Variants in SYCP2 observed in about 807,000 individuals in gnomAD.
SYCP2 encodes the protein synaptonemal complex lateral element protein.
A neutral mutation model predicts 211.3 loss-of-function variants in SYCP2; 55 were observed. The ratio of observed to expected loss-of-function variants is 0.26; its 90% CI spans 0.21 to 0.33. The LOEUF is 0.33. Ranked by LOEUF, SYCP2 falls within the 10% of genes least tolerant of loss-of-function variation. The probability of loss-of-function intolerance (pLI) is 1.00; values close to 1 mark genes in which losing one functional copy is unlikely to be tolerated. For synonymous variants in SYCP2, 570 were observed against 555.2 expected, an observed-to-expected ratio of 1.03 and a Z score of -0.37; for missense variants, 1,731 against 1,752.0, an observed-to-expected ratio of 0.99 and a Z score of 0.21.
In SYCP2 at chr20:59,876,559, T is replaced by TCCAGA. The variant is rs1404934589; in HGVS notation, c.3150+825_3150+826insTCTGG. Among the ~76,000 whole-genome samples the TCCAGA allele has an allele frequency of 1.0e-3, 159 of 151,866 alleles. 1 individual carries two copies. Among genetic ancestry groups the TCCAGA allele is most frequent in the South Asian group, 6.2e-4 (3 of 4,820 alleles). On this transcript the variant is annotated intron_variant, in intron 33 of 44. Transcript: ENST00000357552. ...CAGAAACCTATCTTCAGTGCCAGAC[T>TCCAGA]CTCTGGTTTCAAATCCTAGACCTAC...
Position 59,877,554 on chromosome 20 carries a change from G to A in SYCP2, c.2981C>T (p.Thr994Ile). 6.3e-7 allele frequency: 1 copy of A among 1,580,344 alleles called. No individual in the cohort carries two copies. Among genetic ancestry groups the A allele is most frequent in the Non-Finnish European group, 8.5e-7 (1 of 1,171,758 alleles). ...CTTTTTTGTGATATTTTTACTGGGTGTCTTTAGGAGAAAAATTCCTGAATA... is the reference window on the plus strand; with the variant it reads ...CTTTTTTGTGATATTTTTACTGGGTATCTTTAGGAGAAAAATTCCTGAATA... The part of the protein sequence containing the change: ...LEKGQPSSKM[T>I]PSKNITKKMD... The change falls in exon 33 of 45, where the codon ACA becomes ATA. Residue 994 changes from threonine to isoleucine, a missense_variant and splice_region_variant. By Grantham distance (89) the Thr-to-Ile change is moderately conservative. Transcript: ENST00000357552.
Position 59,865,802 on chromosome 20 carries a change from C to T in SYCP2, c.4379+5G>A. 7.2e-7 allele frequency: 1 copy of T among 1,396,978 alleles called. No individual in the cohort carries two copies. Among genetic ancestry groups the T allele is most frequent in the South Asian group, 1.8e-5 (1 of 56,646 alleles). The allele number at this position is 1,396,978 out of a possible 1,614,324, so 86.5% of individuals were successfully genotyped here. A position where few individuals can be genotyped will look rare whatever the true frequency, so the allele number is the denominator to read the frequency against. On this transcript the variant is annotated splice_donor_5th_base_variant and intron_variant, in intron 42 of 44. Transcript: ENST00000357552. ...GATTATAGCCATTAAGAATGTCATA[C>T]TAACCTCTGTTGTTCGCTTTTTTGA... is the stretch of plus-strand genomic sequence containing the variant.
chr20:59,888,820 A>G (rs1331509161), intron 24 of SYCP2, among the ~76,000 whole-genome samples: 2 of 152,086 alleles, frequency 1.3e-5, no homozygotes, highest in Non-Finnish European at 2.9e-5. Flanking sequence ...TTAATATACA[A>G]AAGTCAACCA....
At position 59,865,867 on chromosome 20, in the gene SYCP2, TA is replaced by T; in HGVS notation, c.4321-3del. 1.5e-6 allele frequency: 2 copies of T among 1,316,666 alleles called. No individual in the cohort carries two copies. The highest frequency in any genetic ancestry group is 2.0e-6 in the Non-Finnish European group (2 of 978,214). The allele number at this position is 1,316,666 out of a possible 1,614,324, so 81.6% of individuals were successfully genotyped here. Reference sequence around the variant, plus strand: ...CTGAAATATCTTTTCCCAAAAGTCCTAAATTAATTAATAAAATTTTATTTAG... The same window carrying T: ...CTGAAATATCTTTTCCCAAAAGTCCTAATTAATTAATAAAATTTTATTTAG... On this transcript the variant is annotated splice_region_variant and splice_polypyrimidine_tract_variant and intron_variant, in intron 41 of 44. Coordinates refer to ENST00000357552, the MANE Select transcript of SYCP2 (RefSeq NM_014258.4).
chr20:59,926,745 A>G (rs866398222), intron 2 of SYCP2, among the ~76,000 whole-genome samples: 3 of 152,260 alleles, frequency 2.0e-5, no homozygotes, highest in Middle Eastern at 6.8e-3. Context: ...GAAGAAATAA[A>G]AGTTGAGGTT....
At chr20:59,932,493 T>G (rs1383885249) in intron 1 of SYCP2, among the ~76,000 whole-genome samples, 1 of 152,142 alleles carries the variant, frequency 6.6e-6, no homozygotes, top group East Asian at 1.9e-4. Flanking sequence ...CGGGCCAACA[T>G]GGAGAAAACC....
Position 59,869,915 on chromosome 20 carries a change from T to C in SYCP2, c.3624A>G (p.Thr1208=). The change falls in exon 36 of 45, where the codon ACA becomes ACG. Residue 1208 remains threonine, a synonymous_variant. Coordinates refer to ENST00000357552, the MANE Select transcript of SYCP2 (RefSeq NM_014258.4). ...AGCTGTTACTGTTTTGTGTTTCTTG[T>C]GTAAGTACCAGAGAACTTATTTTTT... is the stretch of plus-strand genomic sequence containing the variant. ...NRKKISSLVL[T]QETQNSNSYS... 1 of 1,606,756 alleles carries C rather than the reference T, an allele frequency of 6.2e-7. No homozygotes were observed. The highest frequency in any genetic ancestry group is 8.5e-7 in the Non-Finnish European group (1 of 1,174,844).
At chr20:59,928,390 T>TCA (rs2060673300) in intron 2 of SYCP2, among the ~76,000 whole-genome samples, 1 of 152,160 alleles carries the variant, frequency 6.6e-6, no homozygotes, top group Admixed American at 6.5e-5. Context: ...CATCAATGCT[T>TCA]CACTAAAATA....
intron 17 of SYCP2, 119 bp from the exon 18 acceptor site, chr20:59,900,403 T>A: frequency 1.1e-6 from 1 of 915,896 alleles, no homozygotes; most frequent in Non-Finnish European, 1.6e-6. Context: ...CCCTTTTCTA[T>A]CCATGTGCTG....
chr20:59,878,979 A>G (rs1336205244), intron 31 of SYCP2, among the ~76,000 whole-genome samples: 1 of 152,156 alleles, frequency 6.6e-6, no homozygotes, highest in Non-Finnish European at 1.5e-5. Context: ...AATTTAAACA[A>G]AAGAATTCAT....
rs568888418 is a variant in SYCP2, at chr20:59,916,020, A to G, written c.513+466T>C. 4.6e-5 allele frequency among the ~76,000 whole-genome samples: 7 copies of G among 152,244 alleles called. No homozygotes were observed. In the East Asian group the frequency reaches 1.3e-3, roughly 29 times the overall value. On this transcript the variant is annotated intron_variant, in intron 8 of 44. Coordinates refer to ENST00000357552, the MANE Select transcript of SYCP2 (RefSeq NM_014258.4). The stretch of plus-strand genomic sequence containing the variant: ...AAATAAAAATAATAAAGTATAAAAT[A>G]ATGAATATAAAAACAACATAAACTA...
At chr20:59,917,400 TTA>T (rs1275810189) in intron 7 of SYCP2, among the ~76,000 whole-genome samples, 15 of 152,184 alleles carry the variant, frequency 9.9e-5, no homozygotes, top group African/African-American at 3.6e-4. Context: ...AAAAATAACT[TTA>T]AACAATGGAA....
At position 59,892,402 on chromosome 20, in the gene SYCP2, G is replaced by T. The variant is rs2059924295; in HGVS notation, c.1952C>A (p.Thr651Asn). ...TATTGAAGAGGATGATTTTTGTTTA[G>T]TAAGTTTTTTATTTATAACAATATC... Reference protein sequence around the residue: ...NQDIVINKKLTKQKSSSSISD... With the variant: ...NQDIVINKKLNKQKSSSSISD... The change falls in exon 24 of 45, where the codon ACT becomes AAT. Residue 651 changes from threonine (T) to asparagine (N), a missense_variant. Coordinates refer to ENST00000357552, the MANE Select transcript of SYCP2 (RefSeq NM_014258.4). 1 of 1,541,330 alleles carries T rather than the reference G, an allele frequency of 6.5e-7. No homozygotes were observed. The highest frequency in any genetic ancestry group is 2.3e-5 in the East Asian group (1 of 44,176).
chr20:59,914,987 T>C (rs903339176), intron 10 of SYCP2, among the ~76,000 whole-genome samples, 178 bp downstream of exon 10: 2 of 152,042 alleles, frequency 1.3e-5, no homozygotes, highest in Non-Finnish European at 2.9e-5. Context: ...ACGCCTACTG[T>C]CATAAATTAT....
At chr20:59,908,022 G>A (rs1047541655) in intron 14 of SYCP2, among the ~76,000 whole-genome samples, 5 of 152,222 alleles carry the variant, frequency 3.3e-5, no homozygotes, top group South Asian at 2.1e-4. Context: ...CAAGGCAGGC[G>A]GATCACGAGG....
chr20:59,915,465 A>G lies in SYCP2; in HGVS notation c.599T>C (p.Met200Thr). The G allele has an allele frequency of 6.3e-7, 1 of 1,576,090 alleles. No individual in the cohort carries two copies. The highest frequency in any genetic ancestry group is 8.7e-7 in the Non-Finnish European group (1 of 1,146,182). The change falls in exon 9 of 45, where the codon ATG becomes ACG. Residue 200 changes from methionine (M) to threonine (T), a missense_variant and splice_region_variant. Met to Thr is a moderately conservative substitution (Grantham distance 81). Transcript: ENST00000357552. ...AAACCATATAAGTACAGATTATTACATGAGAATTAACATTTCTTGGTTAGA... is the reference window on the plus strand; with the variant it reads ...AAACCATATAAGTACAGATTATTACGTGAGAATTAACATTTCTTGGTTAGA... ...ILSNQEMLIL[M>T]SSMGERILDA...
chr20:59,930,979 T>C (rs1043311077), intron 2 of SYCP2, among the ~76,000 whole-genome samples: 15 of 152,232 alleles, frequency 9.9e-5, no homozygotes, highest in African/African-American at 3.6e-4. Flanking sequence ...TATAACATGA[T>C]TTTTAAAATA....
Position 59,893,550 on chromosome 20 carries a change from T to C in SYCP2, c.1709A>G (p.Asn570Ser), listed in dbSNP as rs1205989919. Residue 570 changes from asparagine (N) to serine (S), a missense_variant, in exon 21 of 45, where the codon AAT becomes AGT. Asn to Ser is a conservative substitution (Grantham distance 46). Around this residue, in one of 3 missense-constraint regions of SYCP2, gnomAD observed 1,387 missense variants for 1,351.3 expected, o/e 1.03. Transcript: ENST00000357552. Reference protein sequence around the residue: ...AKCVENTENKNVEFPNQNFSE... With the variant: ...AKCVENTENKSVEFPNQNFSE... Reference sequence around the variant, plus strand: ...AAAATTTTGGTTTGGGAATTCAACATTCTTATTTTCTGTGTTTTCTACACA... The same window carrying C: ...AAAATTTTGGTTTGGGAATTCAACACTCTTATTTTCTGTGTTTTCTACACA... The C allele has an allele frequency of 6.2e-7, 1 of 1,608,780 alleles. No individual in the cohort carries two copies. Among genetic ancestry groups the C allele is most frequent in the Non-Finnish European group, 8.5e-7 (1 of 1,176,888 alleles).
Position 59,892,331 on chromosome 20 carries a change from C to G in SYCP2, c.2023G>C (p.Glu675Gln). Residue 675 changes from glutamate to glutamine, a missense_variant, in exon 24 of 45, where the codon GAA (glutamate) becomes CAA (glutamine). By Grantham distance (29) the Glu-to-Gln change is conservative. This residue lies in a region of SYCP2 where 1,387 missense variants were observed against 1,351.3 expected (regional missense o/e 1.03). Coordinates refer to ENST00000357552, the MANE Select transcript of SYCP2 (RefSeq NM_014258.4). ...EGTGKVKYKKEQTDHIKIDKA... is the reference protein window; with the variant it reads ...EGTGKVKYKKQQTDHIKIDKA... The stretch of plus-strand genomic sequence containing the variant: ...TCTATTTTGATATGGTCGGTTTGTT[C>G]TTTCTTATATTTCACTTTTCCTGTT... 6.2e-7 allele frequency: 1 copy of G among 1,608,188 alleles called. No individual in the cohort carries two copies. Among genetic ancestry groups the G allele is most frequent in the Non-Finnish European group, 8.5e-7 (1 of 1,176,720 alleles).
Sources: allele counts gnomAD v4.1 joint callset (sites outside exome capture counted in the v4.1 genomes callset), GRCh38; gene constraint gnomAD v4.1.1; regional missense constraint gnomAD v4.1.1; transcripts MANE v1.5; gene names NCBI Gene and HGNC (gene_info 2026-07-23, HGNC 2026-07-21).